Variants in ADAM32 observed in about 807,000 individuals in gnomAD.
ADAM32 encodes disintegrin and metalloproteinase domain-containing protein 32.
A neutral mutation model predicts 114.9 loss-of-function variants in ADAM32; 89 were observed. The ratio of observed to expected loss-of-function variants is 0.77; its 90% CI spans 0.65 to 0.92. ADAM32 has a LOEUF of 0.92. Among genes scored for constraint, ADAM32 ranks in the 40% least tolerant of loss-of-function variants. The probability of loss-of-function intolerance (pLI) is 0.00; values close to 1 mark genes in which losing one functional copy is unlikely to be tolerated. For missense variants in ADAM32, 870 were observed against 932.8 expected, an observed-to-expected ratio of 0.93 and a Z score of 0.88; for synonymous variants, 285 against 307.5, an observed-to-expected ratio of 0.93 and a Z score of 0.77.
intron 2 of ADAM32, among the ~76,000 whole-genome samples, chr8:39,132,247 T>C (rs749362967): frequency 2.6e-4 from 39 of 152,252 alleles, no homozygotes; most frequent in Non-Finnish European, 5.0e-4. Flanking sequence ...TTCTGCTTTT[T>C]GGTTTGGATT....
chr8:39,266,760 C>G (rs1345830833), intron 19 of ADAM32, among the ~76,000 whole-genome samples: 2 of 152,132 alleles, frequency 1.3e-5, no homozygotes, highest in Non-Finnish European at 2.9e-5. Flanking sequence ...TGCATTGGTT[C>G]TTTCTCATTT....
chr8:39,117,718 AAT>A (rs1840435830), intron 1 of ADAM32, among the ~76,000 whole-genome samples: 1 of 152,002 alleles, frequency 6.6e-6, no homozygotes, highest in African/African-American at 2.4e-5. Context: ...ATTTCAGTAG[AAT>A]ATGTTTTAGT....
intron 14 of ADAM32, among the ~76,000 whole-genome samples, chr8:39,228,143 C>T (rs1809513083): frequency 1.3e-5 from 2 of 152,176 alleles, no homozygotes; most frequent in Non-Finnish European, 2.9e-5. Context: ...AGTACTACAT[C>T]AAGGGAACAC....
rs767562849 is a variant in ADAM32, at chr8:39,257,171, G to A, written c.2006-16G>A. Reference sequence around the variant, plus strand: ...TTAATTTTTTTGTTTTTTTTTTTTTGTATTTCTGTTTTTAGGTTCAATCAT... The same window carrying A: ...TTAATTTTTTTGTTTTTTTTTTTTTATATTTCTGTTTTTAGGTTCAATCAT... On this transcript the variant is annotated splice_polypyrimidine_tract_variant and intron_variant, in intron 18 of 24. Transcript: ENST00000379907. 11 of 1,243,708 alleles carry A rather than the reference G, an allele frequency of 8.8e-6. No homozygotes were observed. The Admixed American group carries it at 1.8e-4, about 21-fold the overall frequency. 77.0% of individuals were successfully genotyped at this position (1,243,708 alleles called of 1,614,324 possible). A position where few individuals can be genotyped will look rare whatever the true frequency, so the allele number is the denominator to read the frequency against.
intron 3 of ADAM32, among the ~76,000 whole-genome samples, chr8:39,137,770 C>CA (rs34189859): frequency 0.5 from 68,778 of 136,446 alleles, 17,477 homozygotes; most frequent in Non-Finnish European, 0.58. Context: ...GACACTGTCT[C>CA]AAAAAAAAAA....
intron 11 of ADAM32, among the ~76,000 whole-genome samples, chr8:39,197,364 A>C (rs904663168): frequency 1.3e-5 from 2 of 150,664 alleles, no homozygotes; most frequent in African/African-American, 4.9e-5. Context: ...TTTTCTACTA[A>C]TTTTGGGTTT....
chr8:39,204,976 A>T (rs775242021), intron 11 of ADAM32, among the ~76,000 whole-genome samples: 40 of 152,170 alleles, frequency 2.6e-4, no homozygotes, highest in Non-Finnish European at 5.1e-4. Flanking sequence ...CTGCCTGATC[A>T]TTCCTCTGGA....
chr8:39,279,864 G>A (rs919467419), intron 22 of ADAM32, among the ~76,000 whole-genome samples: 1 of 152,158 alleles, frequency 6.6e-6, no homozygotes, highest in Non-Finnish European at 1.5e-5. Context: ...ACTTCTGCAT[G>A]CCCTGAGTTG....
At chr8:39,171,847 A>T (rs140699655) in intron 10 of ADAM32, among the ~76,000 whole-genome samples, 1 of 150,954 alleles carries the variant, frequency 6.6e-6, no homozygotes, top group African/African-American at 2.4e-5. Flanking sequence ...ATTTTATGTA[A>T]TATCTATATA....
intron 14 of ADAM32, among the ~76,000 whole-genome samples, chr8:39,226,042 C>A (rs1232643948): frequency 1.3e-5 from 2 of 151,944 alleles, no homozygotes; most frequent in Non-Finnish European, 2.9e-5. Flanking sequence ...AAACAACATA[C>A]ATTTTTATAA....
chr8:39,245,925 AAT>A (rs1165197401), intron 16 of ADAM32, among the ~76,000 whole-genome samples, 156 bp from the exon 17 acceptor site: 12 of 152,220 alleles, frequency 7.9e-5, no homozygotes, highest in African/African-American at 2.9e-4. Flanking sequence ...TTGCAAAAAA[AAT>A]AAAACACCCT....
intron 3 of ADAM32, among the ~76,000 whole-genome samples, chr8:39,144,819 G>T (rs1475948344): frequency 6.6e-6 from 1 of 152,096 alleles, no homozygotes; most frequent in Non-Finnish European, 1.5e-5. Flanking sequence ...CAGCAATTAG[G>T]CAAGAACAAT....
chr8:39,168,267 A>G (rs1482410959), intron 9 of ADAM32: 1 of 152,162 alleles, frequency 6.6e-6, no homozygotes. Flanking sequence ...AGAGCCCTTC[A>G]TATTTATTGA....
chr8:39,154,589 G>A (rs1365597298), intron 6 of ADAM32, among the ~76,000 whole-genome samples: 5 of 152,142 alleles, frequency 3.3e-5, no homozygotes, highest in South Asian at 4.1e-4. Flanking sequence ...GGTATTTTTG[G>A]TTCTAGATCC....
At chr8:39,166,171 T>G (rs1804823655) in intron 9 of ADAM32, 1 of 152,182 alleles carries the variant, frequency 6.6e-6, no homozygotes, top group Admixed American at 6.5e-5. Flanking sequence ...CTGCACCATA[T>G]TTGTAGTCTT....
chr8:39,141,107 G>T (rs537892323), intron 3 of ADAM32, among the ~76,000 whole-genome samples: 54 of 152,078 alleles, frequency 3.6e-4, no homozygotes, highest in African/African-American at 1.2e-3. Flanking sequence ...CTTGCTAGTG[G>T]TCTATCAATT....
chr8:39,273,526 CA>C (rs201305086), intron 20 of ADAM32, among the ~76,000 whole-genome samples: 2 of 139,990 alleles, frequency 1.4e-5, no homozygotes, highest in Non-Finnish European at 3.0e-5. Context: ...GACTCCACCT[CA>C]AAAAACAAAC....
chr8:39,136,733 T>C lies in ADAM32; in HGVS notation c.200+15T>C. 2.8e-6 allele frequency: 4 copies of C among 1,446,196 alleles called. No individual in the cohort carries two copies. Among genetic ancestry groups the C allele is most frequent in the Non-Finnish European group, 3.7e-6 (4 of 1,076,274 alleles). The allele number at this position is 1,446,196 out of a possible 1,614,324, so 89.6% of individuals were successfully genotyped here. ...CTTAAACAAAGGTAAATTTTTATTC[T>C]TTAGTTTTGGATTTTATTTTATTTC... On this transcript the variant is annotated intron_variant, in intron 3 of 24. Transcript: ENST00000379907.
chr8:39,128,836 A>G (rs1350293069), intron 2 of ADAM32, among the ~76,000 whole-genome samples: 1 of 152,130 alleles, frequency 6.6e-6, no homozygotes, highest in African/African-American at 2.4e-5. Context: ...AATGTTGAAT[A>G]TTGGCCTCCA....
Sources: gnomAD v4.1 joint callset for allele counts (sites outside exome capture counted in the v4.1 genomes callset) on GRCh38, gnomAD v4.1.1 for gene constraint, MANE v1.5 for transcripts, NCBI Gene and HGNC (gene_info 2026-07-23, HGNC 2026-07-21) for gene names.